PTPRN2: variants seen among roughly 807,000 people sequenced by gnomAD.
PTPRN2 encodes receptor-type tyrosine-protein phosphatase N2.
A neutral mutation model predicts 118.8 loss-of-function variants in PTPRN2; 74 were observed. That is an observed-to-expected ratio of 0.62 (90% CI 0.52 to 0.76). PTPRN2 has a LOEUF of 0.76. Ranked by LOEUF, PTPRN2 falls within the 30% of genes least tolerant of loss-of-function variation. The pLI, the probability that PTPRN2 is intolerant of heterozygous loss-of-function variation, is 0.00. For missense variants in PTPRN2, 1,481 were observed against 1,394.4 expected, an observed-to-expected ratio of 1.06 and a Z score of -0.99; for synonymous variants, 641 against 608.0, an observed-to-expected ratio of 1.05 and a Z score of -0.80.
At chr7:158,392,929 C>T (rs1812050829) in intron 2 of PTPRN2, among the ~76,000 whole-genome samples, 2 of 152,204 alleles carry the variant, frequency 1.3e-5, no homozygotes, top group Non-Finnish European at 2.9e-5. Flanking sequence ...ATGAGAACTC[C>T]TCGAGCACGC....
In PTPRN2 at chr7:158,301,273, G is replaced by T. The variant is rs565445480; in HGVS notation, c.277+15546C>A. ...AGCATTGCAGGGCATGAACACAGAC[G>T]AACCACGACCAACTCAGCTGTCCCG... On this transcript the variant is annotated intron_variant, in intron 3 of 22. Coordinates refer to ENST00000389418, the MANE Select transcript of PTPRN2 (RefSeq NM_002847.5). Among the ~76,000 whole-genome samples, 6 of 152,278 alleles carry T rather than the reference G, an allele frequency of 3.9e-5. No individual in the cohort carries two copies. In the South Asian group the frequency reaches 1.2e-3, roughly 32 times the overall value.
At chr7:157,573,291 A>G (rs1442690804) in intron 19 of PTPRN2, among the ~76,000 whole-genome samples, 1 of 152,242 alleles carries the variant, frequency 6.6e-6, no homozygotes, top group African/African-American at 2.4e-5. Flanking sequence ...TATCAGACCA[A>G]ATGGTGAGTG....
Position 158,563,904 on chromosome 7 carries a change from T to C in PTPRN2, c.112+23654A>G, listed in dbSNP as rs1400456594. On this transcript the variant is annotated intron_variant, in intron 1 of 22. Coordinates refer to ENST00000389418, the MANE Select transcript of PTPRN2 (RefSeq NM_002847.5). The surrounding 1 kb of genome is among the most constrained non-coding windows in gnomAD (Gnocchi z 5.1). ...TCATTCCTTACACCTGGATTTGTTC[T>C]CCAGTAAGTGGTTAGAACTTGGGCT... Among the ~76,000 whole-genome samples, 3 of 152,236 alleles carry C rather than the reference T, an allele frequency of 2.0e-5. No homozygotes were observed. The highest frequency in any genetic ancestry group is 6.5e-5 in the Admixed American group (1 of 15,278).
intron 1 of PTPRN2, among the ~76,000 whole-genome samples, chr7:158,495,960 G>A (rs1353444516): frequency 3.9e-5 from 6 of 152,050 alleles, no homozygotes; most frequent in Non-Finnish European, 2.9e-5. Context: ...CTGACAAGAG[G>A]GAGGCAGCCC....
intron 10 of PTPRN2, among the ~76,000 whole-genome samples, chr7:158,086,431 TC>T (rs1433364474): frequency 6.6e-6 from 1 of 152,150 alleles, no homozygotes; most frequent in Non-Finnish European, 1.5e-5. Flanking sequence ...GCCTGGCCAT[TC>T]CCCAGCTGCC....
chr7:158,144,174 A>G (rs900172969), intron 6 of PTPRN2, among the ~76,000 whole-genome samples: 1 of 152,222 alleles, frequency 6.6e-6, no homozygotes, highest in Admixed American at 6.5e-5. Flanking sequence ...AGAAGGTTAA[A>G]TGTTCTCGAA....
intron 9 of PTPRN2, among the ~76,000 whole-genome samples, chr7:158,120,986 G>T (rs1817124728): frequency 6.6e-6 from 1 of 152,192 alleles, no homozygotes; most frequent in African/African-American, 2.4e-5. Context: ...CAGCCTCCCT[G>T]CTCCAAGCCA....
In PTPRN2 at chr7:157,827,362, CCACAACACAACACAACACAA is replaced by C. The variant is rs57453915; in HGVS notation, c.1788+71291_1788+71310del. On this transcript the variant is annotated intron_variant, in intron 12 of 22. Coordinates refer to ENST00000389418, the MANE Select transcript of PTPRN2 (RefSeq NM_002847.5). Reference sequence around the variant, plus strand: ...ATTTATGGATGAAGGAAGCCAGAGACCACAACACAACACAACACAACACAACACAACACAACACAACACAA... The same window carrying C: ...ATTTATGGATGAAGGAAGCCAGAGACCACAACACAACACAACACAACACAA... 8.2e-5 allele frequency among the ~76,000 whole-genome samples: 12 copies of C among 146,706 alleles called. No individual in the cohort carries two copies. In the South Asian group the frequency reaches 1.1e-3, roughly 14 times the overall value.
intron 2 of PTPRN2, among the ~76,000 whole-genome samples, chr7:158,424,930 C>T (rs1815583722): frequency 6.6e-6 from 1 of 152,164 alleles, no homozygotes; most frequent in Admixed American, 6.5e-5. Context: ...AGGCATTAAC[C>T]ATCAGCCTAA....
At chr7:158,136,551 T>A (rs1818834907) in intron 8 of PTPRN2, 104 bp downstream of exon 8, 4 of 1,090,024 alleles carry the variant, frequency 3.7e-6, no homozygotes, top group Non-Finnish European at 5.4e-6. Context: ...CATAATTTTC[T>A]GGGAAAAAAA....
rs530489948 is a variant in PTPRN2 at position 157,836,078 on chromosome 7, A to T, written c.1788+62595T>A. Among the ~76,000 whole-genome samples the T allele has an allele frequency of 2.6e-5, 4 of 152,380 alleles. No individual in the cohort carries two copies. In the South Asian group the frequency reaches 8.3e-4, roughly 32 times the overall value. On this transcript the variant is annotated intron_variant, in intron 12 of 22. Transcript: ENST00000389418. ...TCAGAAAATTCACACTCCCATAGGA[A>T]AATTCATGAAGAGATTATCCCAGGA...
chr7:157,803,174 A>G (rs1805424393), intron 12 of PTPRN2, among the ~76,000 whole-genome samples: 1 of 152,190 alleles, frequency 6.6e-6, no homozygotes, highest in Admixed American at 6.5e-5. Context: ...CATGTTAGCC[A>G]GGCTGGTCTC....
chr7:158,300,137 T>C (rs1221052103), intron 3 of PTPRN2, among the ~76,000 whole-genome samples: 3 of 152,110 alleles, frequency 2.0e-5, no homozygotes, highest in African/African-American at 7.2e-5. Context: ...GCCTCTGAAA[T>C]GATGATATGG....
At chr7:157,923,415 G>A (rs962296089) in intron 11 of PTPRN2, among the ~76,000 whole-genome samples, 6 of 152,192 alleles carry the variant, frequency 3.9e-5, no homozygotes, top group South Asian at 2.1e-4. Context: ...CGCCACCTGC[G>A]CGCTGGCCTG....
chr7:157,945,743 A>G (rs62475406), intron 11 of PTPRN2, among the ~76,000 whole-genome samples: 1 of 42,162 alleles, frequency 2.4e-5, no homozygotes, highest in Admixed American at 2.7e-4. Context: ...GGACAATGCC[A>G]CCTCCAGCTT....
chr7:157,877,941 T>C (rs73746687), intron 12 of PTPRN2, among the ~76,000 whole-genome samples: 4,210 of 152,266 alleles, frequency 0.028, 183 homozygotes, highest in African/African-American at 0.091. Context: ...AATATAAACA[T>C]TCAGCTCTGT....
At chr7:158,314,184 C>G (rs77238577) in intron 3 of PTPRN2, among the ~76,000 whole-genome samples, 3,563 of 152,256 alleles carry the variant, frequency 0.023, 149 homozygotes, top group African/African-American at 0.079. Flanking sequence ...GCTGAAATTA[C>G]GCTCAGGGGA....
intron 6 of PTPRN2, among the ~76,000 whole-genome samples, chr7:158,165,038 T>C (rs73173660): frequency 1.0e-3 from 27 of 25,736 alleles, no homozygotes; most frequent in Admixed American, 2.7e-3. Flanking sequence ...CCCGATGGTG[T>C]CTAGTACCCA....
rs188096518 is a variant in PTPRN2 at position 157,944,810 on chromosome 7, C to G, written c.1724-46073G>C. On this transcript the variant is annotated intron_variant, in intron 11 of 22. Transcript: ENST00000389418. The surrounding 1 kb of genome is among the most constrained non-coding windows in gnomAD (Gnocchi z 4.3). ...GCAGCCGCACCTGGCCAGCTCTGCC[C>G]TTGCTCATCAGCTGGGAAGCAGCAT... Among the ~76,000 whole-genome samples the G allele has an allele frequency of 6.6e-6, 1 of 152,332 alleles. No individual in the cohort carries two copies. Among genetic ancestry groups the G allele is most frequent in the East Asian group, 1.9e-4 (1 of 5,172 alleles).
Sources: gnomAD v4.1 joint callset for allele counts (sites outside exome capture counted in the v4.1 genomes callset) on GRCh38, gnomAD v4.1.1 for gene constraint, Gnocchi (gnomAD v3.1) non-coding constraint, MANE v1.5 for transcripts, NCBI Gene and HGNC (gene_info 2026-07-23, HGNC 2026-07-21) for gene names.